The following SNRPB2 variants were observed in gnomAD, a reference collection of about 807,000 sequenced individuals.
The protein encoded by SNRPB2 is U2 small nuclear ribonucleoprotein B''.
A neutral mutation model predicts 26.3 loss-of-function variants in SNRPB2; 16 were observed. That is an observed-to-expected ratio of 0.61 (90% CI 0.41 to 0.92). The LOEUF (loss-of-function observed/expected upper bound fraction) is 0.92. Ranked by LOEUF, SNRPB2 falls within the 40% of genes least tolerant of loss-of-function variation. The pLI, the probability that SNRPB2 is intolerant of heterozygous loss-of-function variation, is 0.00. For missense variants in SNRPB2, 179 were observed against 268.1 expected (o/e 0.67, Z 2.32); for synonymous variants, 75 against 89.0 (o/e 0.84, Z 0.88).
rs1287802668 is a variant in SNRPB2, at chr20:16,731,725, C to T, written c.23C>T (p.Thr8Ile). MDIRPNHTIYINNMNDKI... is the reference protein window; with the variant it reads MDIRPNHIIYINNMNDKI... ...AACATGGATATCAGACCAAATCATA[C>T]AATTTATATCAACAATATGAATGAC... Residue 8 changes from threonine (T) to isoleucine (I), a missense_variant, in exon 2 of 7, where the codon ACA (threonine) becomes ATA (isoleucine). By Grantham distance (89) the Thr-to-Ile change is moderately conservative. This residue lies in a region of SNRPB2 where 145 missense variants were observed against 180.7 expected (regional missense o/e 0.80). Coordinates refer to ENST00000246071, the MANE Select transcript of SNRPB2 (RefSeq NM_003092.5). 6.2e-7 allele frequency: 1 copy of T among 1,612,088 alleles called. No homozygotes were observed. The highest frequency in any genetic ancestry group is 8.5e-7 in the Non-Finnish European group (1 of 1,178,846).
chr20:16,732,573 G>A, intron 3 of SNRPB2: 2 of 318,492 alleles, frequency 6.3e-6, no homozygotes, highest in Non-Finnish European at 5.7e-6. Context: ...GGCAGTCTAG[G>A]CAATAGTCTT....
chr20:16,732,213 G>T lies in SNRPB2; in HGVS notation c.114G>T (p.Val38=), dbSNP rs142036176. 6 of 1,604,512 alleles carry T rather than the reference G, an allele frequency of 3.7e-6. No homozygotes were observed. Among genetic ancestry groups the T allele is most frequent in the Non-Finnish European group, 5.1e-6 (6 of 1,173,350 alleles). Residue 38 remains valine, a synonymous_variant, in exon 3 of 7, where the codon GTG becomes GTT. Transcript: ENST00000246071. ...TGTTTTCTCAGTTTGGTCATGTGGTGGACATTGTGGCTTTAAAGACCATGA... is the reference window on the plus strand; with the variant it reads ...TGTTTTCTCAGTTTGGTCATGTGGTTGACATTGTGGCTTTAAAGACCATGA... ...YALFSQFGHV[V]DIVALKTMKM... is the part of the protein sequence containing the mutation.
intron 5 of SNRPB2, 73 bp downstream of exon 5, chr20:16,738,975 T>C (rs750558395): frequency 1.6e-5 from 15 of 959,898 alleles, no homozygotes; most frequent in Non-Finnish European, 2.5e-5. Flanking sequence ...TAAAACAATT[T>C]CCATGTCTCC....
intron 4 of SNRPB2, 67 bp downstream of exon 4, chr20:16,737,468 G>A (rs756639560): frequency 2.1e-6 from 3 of 1,416,170 alleles, no homozygotes; most frequent in Non-Finnish European, 2.9e-6. Context: ...TTGTCTTACA[G>A]GTAAGGAATG....
rs1227114666 is a variant in SNRPB2 at position 16,737,345 on chromosome 20, A to G, written c.322A>G (p.Lys108Glu). 6.2e-7 allele frequency: 1 copy of G among 1,607,782 alleles called. No individual in the cohort carries two copies. Among genetic ancestry groups the G allele is most frequent in the Non-Finnish European group, 8.5e-7 (1 of 1,178,480 alleles). The change falls in exon 4 of 7, where the codon AAA becomes GAA. Residue 108 changes from lysine to glutamate, a missense_variant. Lys to Glu is a moderately conservative substitution (Grantham distance 56). Around this residue, in one of 2 missense-constraint regions of SNRPB2, gnomAD observed 145 missense variants for 180.7 expected, o/e 0.80. Coordinates refer to ENST00000246071, the MANE Select transcript of SNRPB2 (RefSeq NM_003092.5). ...TGACAAAGAAAAGAAAAAAGAAAAG[A>G]AAAAAGCCAAAACTGTGGAACAGAC... ...FADKEKKKEK[K>E]KAKTVEQTAT...
intron 5 of SNRPB2, among the ~76,000 whole-genome samples, chr20:16,739,339 T>G (rs2122507077): frequency 6.6e-6 from 1 of 152,296 alleles, no homozygotes; most frequent in South Asian, 2.1e-4. Context: ...TTGCTCTCAC[T>G]TCCTGAACAC....
intron 6 of SNRPB2, 144 bp downstream of exon 6, chr20:16,740,557 C>A: frequency 7.2e-7 from 1 of 1,392,134 alleles, no homozygotes; most frequent in Non-Finnish European, 9.4e-7. Flanking sequence ...GAATTGGAGC[C>A]AATTTGCCGA....
intron 4 of SNRPB2, among the ~76,000 whole-genome samples, chr20:16,738,486 T>G (rs946195853): frequency 2.0e-5 from 3 of 151,618 alleles, no homozygotes; most frequent in Non-Finnish European, 4.4e-5. Context: ...AAAAAGTAAT[T>G]ACTTCTGGAT....
In SNRPB2 at chr20:16,732,185, C is replaced by T; in HGVS notation, c.86C>T (p.Ala29Val). The T allele has an allele frequency of 1.3e-6, 2 of 1,598,992 alleles. No individual in the cohort carries two copies. Among genetic ancestry groups the T allele is most frequent in the South Asian group, 1.1e-5 (1 of 89,300 alleles). The part of the protein sequence containing the change: ...KKEELKRSLY[A>V]LFSQFGHVVD... Reference sequence around the variant, plus strand: ...ACAGAATTGAAGAGATCCCTATATGCCCTGTTTTCTCAGTTTGGTCATGTG... The same window carrying T: ...ACAGAATTGAAGAGATCCCTATATGTCCTGTTTTCTCAGTTTGGTCATGTG... Residue 29 changes from alanine to valine, a missense_variant, in exon 3 of 7, where the codon GCC becomes GTC. Physicochemically the swap from Ala to Val is moderately conservative, Grantham distance 64. Around this residue, in one of 2 missense-constraint regions of SNRPB2, gnomAD observed 145 missense variants for 180.7 expected, o/e 0.80. Transcript: ENST00000246071.
rs2072465052 is a variant in SNRPB2 at position 16,741,889 on chromosome 20, A to C, written c.*884A>C. On this transcript the variant is annotated 3_prime_UTR_variant, in exon 7 of 7. Transcript: ENST00000246071. ...TATTGATTCAGTCCTCTGCTGAGTA[A>C]ACCATGGGTATCTCCAGAAGTGGAC... The C allele has an allele frequency of 6.6e-6, 1 of 152,212 alleles. No homozygotes were observed. The highest frequency in any genetic ancestry group is 2.4e-5 in the African/African-American group (1 of 41,462). 9.4% of individuals were successfully genotyped at this position (152,212 alleles called of 1,614,324 possible). A position where few individuals can be genotyped will look rare whatever the true frequency, so the allele number is the denominator to read the frequency against.
chr20:16,736,635 T>TA (rs752646040), intron 3 of SNRPB2, among the ~76,000 whole-genome samples: 4 of 152,116 alleles, frequency 2.6e-5, no homozygotes, highest in Admixed American at 6.5e-5. Context: ...AAAACAGGAT[T>TA]AGTCTAGAAT....
At chr20:16,730,315 C>T (rs908778261) in intron 1 of SNRPB2, among the ~76,000 whole-genome samples, 151 bp downstream of exon 1, 1 of 152,068 alleles carries the variant, frequency 6.6e-6, no homozygotes, top group Non-Finnish European at 1.5e-5. Flanking sequence ...AGGCGGGAGG[C>T]TTGCGCGTAC....
At chr20:16,736,576 G>T (rs575399363) in intron 3 of SNRPB2, among the ~76,000 whole-genome samples, 31 of 152,214 alleles carry the variant, frequency 2.0e-4, no homozygotes, top group African/African-American at 7.0e-4. Context: ...TTGTTCTGTG[G>T]GGACTCTGCC....
chr20:16,737,837 C>G (rs1013406215), intron 4 of SNRPB2, among the ~76,000 whole-genome samples: 1 of 151,438 alleles, frequency 6.6e-6, no homozygotes, highest in Admixed American at 6.6e-5. Flanking sequence ...GAGATCGAGA[C>G]CATCCTGGCT....
At chr20:16,736,792 A>G (rs975820147) in intron 3 of SNRPB2, among the ~76,000 whole-genome samples, 2 of 152,122 alleles carry the variant, frequency 1.3e-5, no homozygotes, top group Non-Finnish European at 1.5e-5. Flanking sequence ...CAAGCTGAGC[A>G]GTTTTGCTTT....
At chr20:16,732,480 CAGT>C in intron 3 of SNRPB2, 144 bp downstream of exon 3, 1 of 538,944 alleles carries the variant, frequency 1.9e-6, no homozygotes, top group Non-Finnish European at 3.2e-6. Flanking sequence ...TATAGAAAAA[CAGT>C]AGTGGTAGAG....
intron 4 of SNRPB2, 97 bp downstream of exon 4, chr20:16,737,498 ATG>A: frequency 9.8e-7 from 1 of 1,017,788 alleles, no homozygotes; most frequent in East Asian, 2.7e-5. Context: ...TTGTCTGTAT[ATG>A]TGCATAAATG....
At chr20:16,736,370 T>C (rs1482700767) in intron 3 of SNRPB2, among the ~76,000 whole-genome samples, 1 of 152,110 alleles carries the variant, frequency 6.6e-6, no homozygotes, top group Non-Finnish European at 1.5e-5. Flanking sequence ...TGTGTCCTGA[T>C]TGTGGTGGTA....
rs1049405188 is a variant in SNRPB2 at position 16,742,019 on chromosome 20, C to T, written c.*1014C>T. 1.3e-5 allele frequency: 2 copies of T among 151,986 alleles called. No individual in the cohort carries two copies. Among genetic ancestry groups the T allele is most frequent in the African/African-American group, 4.8e-5 (2 of 41,324 alleles). The allele number at this position is 151,986 out of a possible 1,614,324, so 9.4% of individuals were successfully genotyped here. Reference sequence around the variant, plus strand: ...TGTTTTAGTATTCCTTGAACAAAACCTTTATCACTTGGAATTTTTATTGTC... The same window carrying T: ...TGTTTTAGTATTCCTTGAACAAAACTTTTATCACTTGGAATTTTTATTGTC... On this transcript the variant is annotated 3_prime_UTR_variant, in exon 7 of 7. Transcript: ENST00000246071.
Sources: allele counts gnomAD v4.1 joint callset (sites outside exome capture counted in the v4.1 genomes callset), GRCh38; gene constraint gnomAD v4.1.1; regional missense constraint gnomAD v4.1.1; transcripts MANE v1.5; gene names NCBI Gene and HGNC (gene_info 2026-07-23, HGNC 2026-07-21).